Variants in KCNMA1 observed in about 807,000 individuals in gnomAD.
KCNMA1 encodes the protein Calcium-activated potassium channel subunit alpha-1.
Under a neutral mutation model 140.0 loss-of-function variants are expected in KCNMA1, and 29 were observed. That is an observed-to-expected ratio of 0.21 (90% CI 0.15 to 0.28). KCNMA1 has a LOEUF of 0.28. KCNMA1 is among the 10% of genes least tolerant of loss of function. The pLI, the probability that KCNMA1 is intolerant of heterozygous loss-of-function variation, is 1.00. For synonymous variants in KCNMA1, 612 were observed against 611.9 expected, an observed-to-expected ratio of 1.00 and a Z score of 0.00; for missense variants, 880 against 1,602.2, an observed-to-expected ratio of 0.55 and a Z score of 7.70.
At chr10:77,280,507 T>C (rs1481545403) in intron 2 of KCNMA1, among the ~76,000 whole-genome samples, 1 of 152,156 alleles carries the variant, frequency 6.6e-6, no homozygotes, top group African/African-American at 2.4e-5. Context: ...CTTTTCTTTT[T>C]TGTTTATGTT....
At chr10:77,289,649 C>T (rs754043060) in intron 2 of KCNMA1, among the ~76,000 whole-genome samples, 4 of 152,016 alleles carry the variant, frequency 2.6e-5, no homozygotes, top group Admixed American at 6.6e-5. Context: ...AGTGCCTGGT[C>T]CATGTAAGAC....
intron 1 of KCNMA1, among the ~76,000 whole-genome samples, chr10:77,589,870 C>T (rs755016275): frequency 5.3e-5 from 8 of 152,134 alleles, no homozygotes; most frequent in Non-Finnish European, 1.2e-4. Flanking sequence ...ACCCGGGTTG[C>T]CACTGCTGGC....
At chr10:77,593,523 G>T (rs1240832157) in intron 1 of KCNMA1, among the ~76,000 whole-genome samples, 1 of 152,186 alleles carries the variant, frequency 6.6e-6, no homozygotes, top group East Asian at 1.9e-4. Flanking sequence ...ATTGGAAATG[G>T]TAATTGTTAC....
chr10:77,406,671 T>C (rs1023711636), intron 1 of KCNMA1, among the ~76,000 whole-genome samples: 1 of 152,178 alleles, frequency 6.6e-6, no homozygotes, highest in Non-Finnish European at 1.5e-5. Context: ...CCCAGCTCTC[T>C]CCTGGCCTCT....
intron 2 of KCNMA1, among the ~76,000 whole-genome samples, chr10:77,336,595 G>T (rs566785415): frequency 6.6e-5 from 10 of 152,314 alleles, no homozygotes; most frequent in South Asian, 2.1e-4. Context: ...CGATGCACAA[G>T]ATTAAAATTT....
intron 5 of KCNMA1, among the ~76,000 whole-genome samples, chr10:77,165,980 C>T (rs2154088985): frequency 6.6e-6 from 1 of 152,200 alleles, no homozygotes. Context: ...TGCAGTTGAG[C>T]TAAAGTGAGG....
intron 2 of KCNMA1, among the ~76,000 whole-genome samples, chr10:77,325,748 C>T (rs181050203): frequency 5.3e-5 from 8 of 152,316 alleles, no homozygotes; most frequent in Admixed American, 4.6e-4. Flanking sequence ...CTTGCCTCTG[C>T]TGCCCCAACA....
At chr10:77,308,543 C>CT (rs2078407169) in intron 2 of KCNMA1, among the ~76,000 whole-genome samples, 1 of 152,204 alleles carries the variant, frequency 6.6e-6, no homozygotes, top group Non-Finnish European at 1.5e-5. Flanking sequence ...TCTAAGTGCA[C>CT]TATTAAATCC....
At chr10:77,499,883 T>C (rs888200406) in intron 1 of KCNMA1, among the ~76,000 whole-genome samples, 9 of 151,974 alleles carry the variant, frequency 5.9e-5, no homozygotes, top group African/African-American at 2.2e-4. Flanking sequence ...GTGAAAAATA[T>C]AATAATAATA....
At chr10:77,621,801 T>C (rs2091478674) in intron 1 of KCNMA1, among the ~76,000 whole-genome samples, 1 of 152,098 alleles carries the variant, frequency 6.6e-6, no homozygotes. Flanking sequence ...TGATGGTGCA[T>C]GCCTGTAGTC....
chr10:76,976,762 C>T (rs1462978633), intron 19 of KCNMA1, among the ~76,000 whole-genome samples: 1 of 152,072 alleles, frequency 6.6e-6, no homozygotes, highest in African/African-American at 2.4e-5. Flanking sequence ...TTTCTGGTTG[C>T]CTTTAGCCCT....
chr10:77,139,069 C>T (rs756233783), intron 5 of KCNMA1, among the ~76,000 whole-genome samples: 2 of 152,218 alleles, frequency 1.3e-5, no homozygotes, highest in East Asian at 1.9e-4. Flanking sequence ...ACCAAGTGCA[C>T]CCTCTTCTAG....
chr10:77,251,373 T>A, intron 2 of KCNMA1, 117 bp from the exon 3 acceptor site: 1 of 777,836 alleles, frequency 1.3e-6, no homozygotes, highest in Non-Finnish European at 2.2e-6. Context: ...GGGGACCTGC[T>A]TGGAAATCTC....
chr10:76,934,107 G>T (rs2059924771), intron 23 of KCNMA1, among the ~76,000 whole-genome samples: 1 of 152,010 alleles, frequency 6.6e-6, no homozygotes, highest in Admixed American at 6.6e-5. Context: ...GGAGTAGCTG[G>T]GTCTACAGAT....
At chr10:77,489,926 C>A (rs1050611624) in intron 1 of KCNMA1, among the ~76,000 whole-genome samples, 2 of 152,234 alleles carry the variant, frequency 1.3e-5, no homozygotes, top group Non-Finnish European at 2.9e-5. Flanking sequence ...AGTCACTCCC[C>A]CTTCCTGGTG....
intron 1 of KCNMA1, among the ~76,000 whole-genome samples, chr10:77,461,477 CA>C (rs2097865392): frequency 6.6e-6 from 1 of 152,170 alleles, no homozygotes; most frequent in South Asian, 2.1e-4. Context: ...ACAGTGACGG[CA>C]GAGTCAGGAC....
At chr10:77,130,757 TG>T (rs1405200944) in intron 5 of KCNMA1, among the ~76,000 whole-genome samples, 1 of 152,004 alleles carries the variant, frequency 6.6e-6, no homozygotes, top group Non-Finnish European at 1.5e-5. Flanking sequence ...ACACAAAATG[TG>T]GGTAGATACT....
At chr10:76,974,575 T>C (rs777865346) in intron 19 of KCNMA1, 2 of 1,535,936 alleles carry the variant, frequency 1.3e-6, no homozygotes, top group South Asian at 2.4e-5. Context: ...CAACCTTGAC[T>C]GCCAAACAAT....
intron 1 of KCNMA1, among the ~76,000 whole-genome samples, chr10:77,484,892 C>T (rs1417687898): frequency 6.6e-6 from 1 of 152,216 alleles, no homozygotes; most frequent in Non-Finnish European, 1.5e-5. Flanking sequence ...TCCTGTTAGA[C>T]AAGTAATGGA....
Sources: allele counts gnomAD v4.1 joint callset (sites outside exome capture counted in the v4.1 genomes callset), GRCh38; gene constraint gnomAD v4.1.1; transcripts MANE v1.5; gene names NCBI Gene and HGNC (gene_info 2026-07-23, HGNC 2026-07-21).